WASHC5: variants seen among roughly 807,000 people sequenced by gnomAD.
WASHC5 encodes the protein WASH complex subunit strumpellin.
A neutral mutation model predicts 150.4 loss-of-function variants in WASHC5; 101 were observed. That is an observed-to-expected ratio of 0.67 (90% CI 0.57 to 0.79). WASHC5 has a LOEUF of 0.79. Among genes scored for constraint, WASHC5 ranks in the 30% least tolerant of loss-of-function variants. The pLI is 0.00. For missense variants in WASHC5, 1,195 were observed against 1,396.3 expected (o/e 0.86, Z 2.30); for synonymous variants, 467 against 491.2 (o/e 0.95, Z 0.65).
chr8:125,028,838 G>T, intron 27 of WASHC5, 131 bp from the exon 28 acceptor site: 1 of 698,636 alleles, frequency 1.4e-6, no homozygotes, highest in Non-Finnish European at 2.6e-6. Context: ...CATTGAGCAT[G>T]CTCTTAATTC....
At chr8:125,077,597 C>T (rs148264042) in intron 6 of WASHC5, among the ~76,000 whole-genome samples, 18 of 152,164 alleles carry the variant, frequency 1.2e-4, no homozygotes, top group African/African-American at 1.9e-4. Context: ...TTCAGAAGGA[C>T]GTGGAATGAG....
At chr8:125,079,183 A>T (rs1817172752) in intron 5 of WASHC5, among the ~76,000 whole-genome samples, 3 of 114,156 alleles carry the variant, frequency 2.6e-5, no homozygotes, top group African/African-American at 3.5e-5. Context: ...TGTATATATA[A>T]CCTTTTTTTT....
chr8:125,024,547 T>G lies in WASHC5; in HGVS notation c.*70A>C. ...GTATGAGCAACTGAGTTTCTTTTCA[T>G]CTTCAAATTCATTTGTGATGGTGGG... On this transcript the variant is annotated 3_prime_UTR_variant, in exon 29 of 29. Coordinates refer to ENST00000318410, the MANE Select transcript of WASHC5 (RefSeq NM_014846.4). The G allele has an allele frequency of 8.3e-7, 1 of 1,203,332 alleles. No homozygotes were observed. 74.5% of individuals were successfully genotyped at this position (1,203,332 alleles called of 1,614,324 possible). A position where few individuals can be genotyped will look rare whatever the true frequency, so the allele number is the denominator to read the frequency against.
In WASHC5 at chr8:125,067,688, T is replaced by A; in HGVS notation, c.1182A>T (p.Gln394His). The A allele has an allele frequency of 6.2e-7, 1 of 1,613,942 alleles. No homozygotes were observed. The highest frequency in any genetic ancestry group is 2.2e-5 in the East Asian group (1 of 44,866). The stretch of plus-strand genomic sequence containing the variant: ...AGTCTGTTAGAATCTGGTCCTTGAT[T>A]TGACGAAGGCGTTTGTTGTTTGGGT... ...ACDPNNKRLRQIKDQILTDSR... is the reference protein window; with the variant it reads ...ACDPNNKRLRHIKDQILTDSR... Residue 394 changes from glutamine (Q) to histidine (H), a missense_variant, in exon 10 of 29, where the codon CAA (glutamine) becomes CAT (histidine). Physicochemically the swap from Gln to His is conservative, Grantham distance 24 (BLOSUM62 0). Coordinates refer to ENST00000318410, the MANE Select transcript of WASHC5 (RefSeq NM_014846.4).
intron 12 of WASHC5, 75 bp downstream of exon 12, chr8:125,061,007 A>G (rs1211376721): frequency 3.8e-6 from 3 of 788,674 alleles, no homozygotes; most frequent in Admixed American, 3.8e-5. Context: ...CTATATTTAC[A>G]GGAACAGACT....
intron 5 of WASHC5, among the ~76,000 whole-genome samples, chr8:125,081,216 C>T (rs939457537): frequency 6.7e-6 from 1 of 149,800 alleles, no homozygotes; most frequent in Non-Finnish European, 1.5e-5. Context: ...ACAATATGCT[C>T]ACAAGACATA....
intron 10 of WASHC5, among the ~76,000 whole-genome samples, chr8:125,064,608 GTTTT>G (rs900675844): frequency 1.4e-5 from 2 of 144,320 alleles, no homozygotes; most frequent in Non-Finnish European, 3.1e-5. Context: ...TCAGGGTTGG[GTTTT>G]TTTTTTTTCT....
At chr8:125,037,095 T>A in intron 26 of WASHC5, 142 bp downstream of exon 26, 1 of 652,890 alleles carries the variant, frequency 1.5e-6, no homozygotes, top group Non-Finnish European at 2.8e-6. Context: ...TTCAAAGGCA[T>A]AAAGACTCGA....
chr8:125,057,728 TC>T, intron 14 of WASHC5, 62 bp from the exon 15 acceptor site: 1 of 1,068,428 alleles, frequency 9.4e-7, no homozygotes, highest in Non-Finnish European at 1.4e-6. Context: ...AATCTTTCTT[TC>T]CAGAAAATGT....
intron 27 of WASHC5, 26 bp downstream of exon 27, chr8:125,032,215 A>AC (rs1406298944): frequency 3.1e-6 from 5 of 1,613,714 alleles, no homozygotes; most frequent in Admixed American, 1.7e-5. Context: ...AAGAAGTCCC[A>AC]CGTAGTCCTG....
intron 28 of WASHC5, among the ~76,000 whole-genome samples, chr8:125,028,314 T>A (rs768137406): frequency 6.6e-6 from 1 of 152,250 alleles, no homozygotes; most frequent in Non-Finnish European, 1.5e-5. Context: ...TTCTTTCCTC[T>A]GGCCACTTAA....
intron 28 of WASHC5, among the ~76,000 whole-genome samples, chr8:125,027,661 T>A (rs1815412192): frequency 6.6e-6 from 1 of 152,184 alleles, no homozygotes; most frequent in Non-Finnish European, 1.5e-5. Context: ...ACAAATATGG[T>A]GCAGTGTATA....
chr8:125,060,939 C>T lies in WASHC5; in HGVS notation c.1521+143G>A, dbSNP rs141990191. The T allele has an allele frequency of 6.2e-4, 404 of 647,948 alleles. 2 individuals are homozygous for T. In the African/African-American group the frequency reaches 6.3e-3, roughly 10 times the overall value. The allele number at this position is 647,948 out of a possible 1,614,324, so 40.1% of individuals were successfully genotyped here. On this transcript the variant is annotated intron_variant, in intron 12 of 28. Transcript: ENST00000318410. ...ATTTCCCCAAATTTAGGACAGTATA[C>T]GTTACAGGAAACATATTAATTCACA... is the stretch of plus-strand genomic sequence containing the variant.
chr8:125,066,497 T>C (rs1388123098), intron 10 of WASHC5, among the ~76,000 whole-genome samples: 1 of 152,224 alleles, frequency 6.6e-6, no homozygotes, highest in African/African-American at 2.4e-5. Context: ...ATTTTTATTA[T>C]GCCCATACAG....
Position 125,064,324 on chromosome 8 carries a change from T to C in WASHC5, c.1279-673A>G, listed in dbSNP as rs553627358. ...TTCAAGTGATCCTCCTGCCTCAGCC[T>C]CTCAAGTAGCTAGGGCTATGGGCAT... On this transcript the variant is annotated intron_variant, in intron 10 of 28. Coordinates refer to ENST00000318410, the MANE Select transcript of WASHC5 (RefSeq NM_014846.4). Among the ~76,000 whole-genome samples, 85 of 152,150 alleles carry C rather than the reference T, an allele frequency of 5.6e-4. 1 individual carries two copies. Among genetic ancestry groups the C allele is most frequent in the Non-Finnish European group, 7.4e-4 (50 of 67,998 alleles).
At position 125,067,688 on chromosome 8, in the gene WASHC5, T is replaced by C. The variant is rs1239697258; in HGVS notation, c.1182A>G (p.Gln394=). 1 of 1,613,942 alleles carries C rather than the reference T, an allele frequency of 6.2e-7. No homozygotes were observed. The highest frequency in any genetic ancestry group is 2.2e-5 in the East Asian group (1 of 44,866). Residue 394 remains glutamine (Q), a synonymous_variant, in exon 10 of 29, where the codon CAA becomes CAG. Coordinates refer to ENST00000318410, the MANE Select transcript of WASHC5 (RefSeq NM_014846.4). Reference sequence around the variant, plus strand: ...AGTCTGTTAGAATCTGGTCCTTGATTTGACGAAGGCGTTTGTTGTTTGGGT... The same window carrying C: ...AGTCTGTTAGAATCTGGTCCTTGATCTGACGAAGGCGTTTGTTGTTTGGGT... ...ACDPNNKRLR[Q]IKDQILTDSR...
intron 7 of WASHC5, among the ~76,000 whole-genome samples, chr8:125,076,132 A>C (rs554905231): frequency 6.6e-6 from 1 of 152,368 alleles, no homozygotes; most frequent in East Asian, 1.9e-4. Context: ...TATCCATTTT[A>C]GAAAAAGACT....
At chr8:125,043,508 T>C (rs1337528154) in intron 23 of WASHC5, among the ~76,000 whole-genome samples, 2 of 152,110 alleles carry the variant, frequency 1.3e-5, no homozygotes, top group African/African-American at 2.4e-5. Context: ...CTTTGTTATG[T>C]AAAAAGGGAG....
rs373031579 is a variant in WASHC5 at position 125,053,252 on chromosome 8, G to A, written c.2097+2339C>T. ...CAACACTCTGAGGTTAAAGATCAGCGAGGGCCACAGGATTACTTTTAAAAG... is the reference window on the plus strand; with the variant it reads ...CAACACTCTGAGGTTAAAGATCAGCAAGGGCCACAGGATTACTTTTAAAAG... On this transcript the variant is annotated intron_variant, in intron 17 of 28. Transcript: ENST00000318410. Among the ~76,000 whole-genome samples, 92 of 152,172 alleles carry A rather than the reference G, an allele frequency of 6.0e-4. 1 individual carries two copies. The South Asian group carries it at 0.011, about 19-fold the overall frequency.
Sources: gnomAD v4.1 joint callset for allele counts (sites outside exome capture counted in the v4.1 genomes callset) on GRCh38, gnomAD v4.1.1 for gene constraint, MANE v1.5 for transcripts, NCBI Gene and HGNC (gene_info 2026-07-23, HGNC 2026-07-21) for gene names.